Variants in CDC37L1 observed in about 807,000 individuals in gnomAD.
The protein encoded by CDC37L1 is cell division cycle 37 like 1, HSP90 cochaperone, also known as hsp90 co-chaperone Cdc37-like 1.
A neutral mutation model predicts 45.9 loss-of-function variants in CDC37L1; 32 were observed. That is an observed-to-expected ratio of 0.70 (90% CI 0.53 to 0.94). The LOEUF (loss-of-function observed/expected upper bound fraction) is 0.94. Among genes scored for constraint, CDC37L1 ranks in the 40% least tolerant of loss-of-function variants. The pLI, the probability that CDC37L1 is intolerant of heterozygous loss-of-function variation, is 0.00. For synonymous variants in CDC37L1, 150 were observed against 133.0 expected (o/e 1.13, Z -0.88); for missense variants, 434 against 405.7 (o/e 1.07, Z -0.60).
At chr9:4,679,960 T>G in intron 1 of CDC37L1, 61 bp downstream of exon 1, 1 of 1,595,182 alleles carries the variant, frequency 6.3e-7, no homozygotes, top group Non-Finnish European at 8.6e-7. Context: ...ACCCCTGGAA[T>G]GCCGCGTCTC....
chr9:4,693,267 C>T (rs1020663001), intron 3 of CDC37L1, among the ~76,000 whole-genome samples: 1 of 149,248 alleles, frequency 6.7e-6, no homozygotes, highest in African/African-American at 2.5e-5. Context: ...CACAGTGAAA[C>T]CTCATCTCTA....
intron 1 of CDC37L1, 22 bp from the exon 2 acceptor site, chr9:4,684,855 T>A: frequency 6.3e-7 from 1 of 1,580,312 alleles, no homozygotes; most frequent in Non-Finnish European, 8.7e-7. Context: ...CTTCATTTCT[T>A]ACAAATATTG....
At chr9:4,687,678 C>CAAAAAAAAAA (rs59932144) in intron 2 of CDC37L1, among the ~76,000 whole-genome samples, 2 of 58,410 alleles carry the variant, frequency 3.4e-5, no homozygotes, top group African/African-American at 1.0e-4. Flanking sequence ...GACCCCATCT[C>CAAAAAAAAAA]AAAAAAAAAA....
intron 3 of CDC37L1, among the ~76,000 whole-genome samples, chr9:4,691,706 G>T (rs1841302397): frequency 1.3e-5 from 2 of 152,030 alleles, no homozygotes; most frequent in Non-Finnish European, 2.9e-5. Context: ...TGCCTTTCTT[G>T]TGCTGCTTTT....
In CDC37L1 at chr9:4,707,420, T is replaced by G. The variant is rs1490845514; in HGVS notation, c.*1308T>G. 1 of 152,258 alleles carries G rather than the reference T, an allele frequency of 6.6e-6. No homozygotes were observed. Among genetic ancestry groups the G allele is most frequent in the East Asian group, 1.9e-4 (1 of 5,206 alleles). 9.4% of individuals were successfully genotyped at this position (152,258 alleles called of 1,614,324 possible). On this transcript the variant is annotated 3_prime_UTR_variant, in exon 7 of 7. Transcript: ENST00000381854. ...CACTTGGAAGGTGGCTAACTGGGACTGGGAATACGTGTCTCAACTTGAGAA... is the reference window on the plus strand; with the variant it reads ...CACTTGGAAGGTGGCTAACTGGGACGGGGAATACGTGTCTCAACTTGAGAA...
At chr9:4,683,830 CAT>C (rs1265485100) in intron 1 of CDC37L1, among the ~76,000 whole-genome samples, 1 of 152,168 alleles carries the variant, frequency 6.6e-6, no homozygotes, top group Non-Finnish European at 1.5e-5. Context: ...ACGAAGAACT[CAT>C]AAAGAATGTG....
chr9:4,680,012 C>G, intron 1 of CDC37L1, 113 bp downstream of exon 1: 2 of 1,376,354 alleles, frequency 1.5e-6, no homozygotes, highest in Non-Finnish European at 9.8e-7. Context: ...CACCTCACTG[C>G]CAGGGGCCGG....
chr9:4,705,333 T>A (rs1403027350), intron 6 of CDC37L1, among the ~76,000 whole-genome samples: 1 of 152,216 alleles, frequency 6.6e-6, no homozygotes, highest in Non-Finnish European at 1.5e-5. Flanking sequence ...TTATTCATGG[T>A]GCTTTAATAA....
intron 2 of CDC37L1, among the ~76,000 whole-genome samples, chr9:4,687,111 T>G (rs576226459): frequency 6.6e-6 from 1 of 152,276 alleles, no homozygotes; most frequent in East Asian, 1.9e-4. Flanking sequence ...AAAAAATCTT[T>G]TATTTTGAAA....
rs775541522 is a variant in CDC37L1 at position 4,701,874 on chromosome 9, A to G, written c.758A>G (p.Glu253Gly). 1 of 1,599,880 alleles carries G rather than the reference A, an allele frequency of 6.3e-7. No individual in the cohort carries two copies. The highest frequency in any genetic ancestry group is 1.7e-5 in the Admixed American group (1 of 57,404). ...TTTTGTTTTTTCTAGGCAGAGGAAG[A>G]AGGTTATTTTGAAGCATTCAAAAAT... Reference protein sequence around the residue: ...LFFQKAKAEEEGYFEAFKNEL... With the variant: ...LFFQKAKAEEGGYFEAFKNEL... Residue 253 changes from glutamate to glycine, a missense_variant, in exon 6 of 7, where the codon GAA (glutamate) becomes GGA (glycine). Glu to Gly is a moderately conservative substitution (Grantham distance 98). Coordinates refer to ENST00000381854, the MANE Select transcript of CDC37L1 (RefSeq NM_017913.4).
chr9:4,706,210 T>C lies in CDC37L1; in HGVS notation c.*98T>C. On this transcript the variant is annotated 3_prime_UTR_variant, in exon 7 of 7. Transcript: ENST00000381854. ...TTTTATGGGTGCTGCACTTTATTTT[T>C]GTTCGGTTTTTGATGGGAGGGAAAG... The C allele has an allele frequency of 1.7e-6, 1 of 580,134 alleles. No homozygotes were observed. Among genetic ancestry groups the C allele is most frequent in the Non-Finnish European group, 3.2e-6 (1 of 314,868 alleles). The allele number at this position is 580,134 out of a possible 1,614,324, so 35.9% of individuals were successfully genotyped here.
chr9:4,682,785 A>C (rs1014897305), intron 1 of CDC37L1, among the ~76,000 whole-genome samples: 1 of 151,962 alleles, frequency 6.6e-6, no homozygotes, highest in Non-Finnish European at 1.5e-5. Context: ...AAGAAGTTTT[A>C]TATACAAAAG....
chr9:4,692,011 G>A (rs905584074), intron 3 of CDC37L1, among the ~76,000 whole-genome samples: 6 of 151,964 alleles, frequency 3.9e-5, no homozygotes, highest in Admixed American at 2.6e-4. Context: ...TTCACTTTCA[G>A]CCAAAGTTAG....
intron 6 of CDC37L1, among the ~76,000 whole-genome samples, chr9:4,702,530 C>T (rs888735171): frequency 6.6e-6 from 1 of 152,100 alleles, no homozygotes. Context: ...AATATTGTAT[C>T]TGGTAATACT....
intron 1 of CDC37L1, among the ~76,000 whole-genome samples, chr9:4,681,416 C>G (rs1367975048): frequency 6.6e-6 from 1 of 152,110 alleles, no homozygotes; most frequent in Non-Finnish European, 1.5e-5. Context: ...TATATTTTCC[C>G]ACCTACTGCA....
intron 3 of CDC37L1, among the ~76,000 whole-genome samples, chr9:4,694,455 A>G (rs1468165300): frequency 6.6e-6 from 1 of 152,248 alleles, no homozygotes; most frequent in African/African-American, 2.4e-5. Context: ...TGAACTTCTC[A>G]ATTTCATACT....
intron 1 of CDC37L1, among the ~76,000 whole-genome samples, chr9:4,681,947 C>G (rs1009202647): frequency 2.6e-5 from 4 of 151,994 alleles, no homozygotes; most frequent in African/African-American, 9.7e-5. Context: ...TAGAATGTGA[C>G]CTAATATTTT....
At chr9:4,702,845 A>G (rs1039917641) in intron 6 of CDC37L1, among the ~76,000 whole-genome samples, 1 of 141,278 alleles carries the variant, frequency 7.1e-6, no homozygotes, top group Non-Finnish European at 1.5e-5. Flanking sequence ...GCCGAGATCG[A>G]GCCACTGCAC....
intron 5 of CDC37L1, among the ~76,000 whole-genome samples, chr9:4,700,432 G>C (rs1202221453): frequency 6.6e-6 from 1 of 152,182 alleles, no homozygotes; most frequent in Admixed American, 6.5e-5. Context: ...ACAGACATGA[G>C]CCACCACACC....
Sources: gnomAD v4.1 joint callset for allele counts (sites outside exome capture counted in the v4.1 genomes callset) on GRCh38, gnomAD v4.1.1 for gene constraint, MANE v1.5 for transcripts, NCBI Gene and HGNC (gene_info 2026-07-23, HGNC 2026-07-21) for gene names.